The following CLSTN3 variants were observed in gnomAD, a reference collection of about 807,000 sequenced individuals.
CLSTN3 encodes the protein calsyntenin 3.
In CLSTN3, 36 loss-of-function variants were observed where a neutral mutation model predicts 95.9. That is an observed-to-expected ratio of 0.38 (90% CI 0.29 to 0.50). The LOEUF is 0.50. Ranked by LOEUF, CLSTN3 falls within the 20% of genes least tolerant of loss-of-function variation. The pLI, the probability that CLSTN3 is intolerant of heterozygous loss-of-function variation, is 0.95. For missense variants in CLSTN3, 1,084 were observed against 1,268.8 expected, an observed-to-expected ratio of 0.85 and a Z score of 2.21; for synonymous variants, 481 against 504.0, an observed-to-expected ratio of 0.95 and a Z score of 0.61.
At position 7,136,874 on chromosome 12, in the gene CLSTN3, A is replaced by G. The variant is rs768320674; in HGVS notation, c.974A>G (p.Asn325Ser). Reference protein sequence around the residue: ...EVDLLPMPGPNANWTAGLSVH... With the variant: ...EVDLLPMPGPSANWTAGLSVH... ...GATCTGTTGCCCATGCCTGGCCCCAATGCCAACTGGACAGCAGGACTCTCG... is the reference window on the plus strand; with the variant it reads ...GATCTGTTGCCCATGCCTGGCCCCAGTGCCAACTGGACAGCAGGACTCTCG... Residue 325 changes from asparagine (N) to serine (S), a missense_variant, in exon 7 of 18, where the codon AAT becomes AGT. Coordinates refer to ENST00000266546, the MANE Select transcript of CLSTN3 (RefSeq NM_014718.4). 33 of 1,613,368 alleles carry G rather than the reference A, an allele frequency of 2.0e-5. No homozygotes were observed. The highest frequency in any genetic ancestry group is 1.6e-4 in the Middle Eastern group (1 of 6,084).
chr12:7,141,551 G>A lies in CLSTN3; in HGVS notation c.1486+147G>A. On this transcript the variant is annotated intron_variant, in intron 9 of 17. Transcript: ENST00000266546. The surrounding 1 kb of genome is among the most constrained non-coding windows in gnomAD (Gnocchi z 4.1). ...AGGGTGACTCTGAAGATCTCCATGG[G>A]AAGGGACCACAGCCTCCCTCCCGTA... The A allele has an allele frequency of 1.2e-6, 1 of 837,952 alleles. No individual in the cohort carries two copies. The allele number at this position is 837,952 out of a possible 1,614,324, so 51.9% of individuals were successfully genotyped here.
intron 5 of CLSTN3, 78 bp downstream of exon 5, chr12:7,136,031 T>C: frequency 1.9e-5 from 30 of 1,539,052 alleles, no homozygotes; most frequent in Non-Finnish European, 2.6e-5. Flanking sequence ...CTGACAATCA[T>C]GGGGGCCAGG....
chr12:7,143,162 G>C lies in CLSTN3; in HGVS notation c.1699-1G>C. 2 of 1,612,694 alleles carry C rather than the reference G, an allele frequency of 1.2e-6. No homozygotes were observed. Among genetic ancestry groups the C allele is most frequent in the Non-Finnish European group, 1.7e-6 (2 of 1,179,148 alleles). On this transcript the variant is annotated splice_acceptor_variant, in intron 11 of 17. Transcript: ENST00000266546. LOFTEE classifies it high-confidence loss of function. ...CAGCTGTATCTGTGTCTGGGGCCCA[G>C]GTCCACGTGAACCCCTCACAGTCCC...
chr12:7,130,692 C>T lies in CLSTN3; in HGVS notation c.44C>T (p.Ala15Val). ...CCCCTTCTGCTGGCCTCTCTGCTCG[C>T]GTCCTGCTCCTGTAACAAAGGTGAG... Reference protein sequence around the residue: ...LLPLLLASLLASCSCNKANKH... With the variant: ...LLPLLLASLLVSCSCNKANKH... The change falls in exon 1 of 18, where the codon GCG (alanine) becomes GTG (valine). Residue 15 changes from alanine (A) to valine (V), a missense_variant. Ala to Val is a moderately conservative substitution (Grantham distance 64). Coordinates refer to ENST00000266546, the MANE Select transcript of CLSTN3 (RefSeq NM_014718.4). 1 of 1,570,574 alleles carries T rather than the reference C, an allele frequency of 6.4e-7. No homozygotes were observed.
upstream of CLSTN3, chr12:7,130,303 T>TGCCCCCCCC: frequency 3.9e-6 from 3 of 778,320 alleles, no homozygotes; most frequent in Non-Finnish European, 4.9e-6. Context: ...CAGCACCTGG[T>TGCCCCCCCC]CCCCCCCCCT....
chr12:7,157,282 G>C lies in CLSTN3; in HGVS notation c.2528-207G>C, dbSNP rs2135821482. Among the ~76,000 whole-genome samples the C allele has an allele frequency of 6.6e-6, 1 of 152,260 alleles. No individual in the cohort carries two copies. Among genetic ancestry groups the C allele is most frequent in the South Asian group, 2.1e-4 (1 of 4,830 alleles). On this transcript the variant is annotated intron_variant, in intron 16 of 17. Coordinates refer to ENST00000266546, the MANE Select transcript of CLSTN3 (RefSeq NM_014718.4). The surrounding 1 kb of genome is among the most constrained non-coding windows in gnomAD (Gnocchi z 5.9). ...GTGTTTGTTCCTTTGCCTTGCAGCA[G>C]CTCCCTTCCTCCCCTTTCGTCTCCT...
chr12:7,158,027 T>C lies in CLSTN3; in HGVS notation c.2817T>C (p.Asp939=), dbSNP rs146046597. The change falls in exon 18 of 18, where the codon GAT becomes GAC. Residue 939 remains aspartate (D), a synonymous_variant. Coordinates refer to ENST00000266546, the MANE Select transcript of CLSTN3 (RefSeq NM_014718.4). ...ACAGCAGTGACTCGGAGGTGGCCGATTCCCCCAGCAGCGACGAGAGACGCA... is the reference window on the plus strand; with the variant it reads ...ACAGCAGTGACTCGGAGGTGGCCGACTCCCCCAGCAGCGACGAGAGACGCA... ...DEDSSDSEVA[D]SPSSDERRII... 394 of 1,550,492 alleles carry C rather than the reference T, an allele frequency of 2.5e-4. 2 individuals are homozygous for C. The East Asian group carries it at 8.0e-3, about 31-fold the overall frequency.
Position 7,143,259 on chromosome 12 carries a change from C to CT in CLSTN3, c.1796dup (p.Arg600AlafsTer29). Reference sequence around the variant, plus strand: ...GCAGCATGTGGCTTACATGAACACTCTGCGCTTTGCCACGCCCGGCGTCAG... The same window carrying CT: ...GCAGCATGTGGCTTACATGAACACTCTTGCGCTTTGCCACGCCCGGCGTCAG... On this transcript the variant is annotated frameshift_variant, in exon 12 of 18. Coordinates refer to ENST00000266546, the MANE Select transcript of CLSTN3 (RefSeq NM_014718.4). LOFTEE classifies it high-confidence loss of function. 1 of 1,613,346 alleles carries CT rather than the reference C, an allele frequency of 6.2e-7. No individual in the cohort carries two copies. Among genetic ancestry groups the CT allele is most frequent in the Non-Finnish European group, 8.5e-7 (1 of 1,180,044 alleles).
chr12:7,158,093 C>G lies in CLSTN3; in HGVS notation c.*12C>G. On this transcript the variant is annotated 3_prime_UTR_variant, in exon 18 of 18. Coordinates refer to ENST00000266546, the MANE Select transcript of CLSTN3 (RefSeq NM_014718.4). ...CACACCGCTACTAAGGCCTACACCT[C>G]TCCCCACGCAGAGGGGGAATTCTGC... 6.7e-7 allele frequency: 1 copy of G among 1,490,992 alleles called. No individual in the cohort carries two copies. Among genetic ancestry groups the G allele is most frequent in the African/African-American group, 1.4e-5 (1 of 71,678 alleles). 92.4% of individuals were successfully genotyped at this position (1,490,992 alleles called of 1,614,324 possible).
Position 7,137,880 on chromosome 12 carries a change from T to C in CLSTN3, c.1211-75T>C, listed in dbSNP as rs148470892. On this transcript the variant is annotated intron_variant, in intron 7 of 17. Coordinates refer to ENST00000266546, the MANE Select transcript of CLSTN3 (RefSeq NM_014718.4). The surrounding 1 kb of genome is among the most constrained non-coding windows in gnomAD (Gnocchi z 4.4). ...AGAGGATTAAGAGAATCCAACATCC[T>C]CTCCTTCCTGCTGCTTTGAACTTGT... 2.2e-4 allele frequency: 234 copies of C among 1,041,722 alleles called. No individual in the cohort carries two copies. In the East Asian group the frequency reaches 5.9e-3, roughly 26 times the overall value. 64.5% of individuals were successfully genotyped at this position (1,041,722 alleles called of 1,614,324 possible). A position where few individuals can be genotyped will look rare whatever the true frequency, so the allele number is the denominator to read the frequency against.
chr12:7,147,395 C>CAA lies in CLSTN3; in HGVS notation c.1848-1577_1848-1576insAA, dbSNP rs1565652698. ...GCCTGGGCAACAGAGAGAGACTCTG[C>CAA]CAAAAAAAAAAAAAAAAAAAAAAAA... On this transcript the variant is annotated intron_variant, in intron 12 of 17. Coordinates refer to ENST00000266546, the MANE Select transcript of CLSTN3 (RefSeq NM_014718.4). Among the ~76,000 whole-genome samples, 3 of 19,762 alleles carry CAA rather than the reference C, an allele frequency of 1.5e-4. 1 individual carries two copies. In the East Asian group the frequency reaches 3.5e-3, roughly 23 times the overall value. The allele number at this position is 19,762 out of a possible 152,430, so 13.0% of individuals were successfully genotyped here. A position where few individuals can be genotyped will look rare whatever the true frequency, so the allele number is the denominator to read the frequency against.
chr12:7,136,497 T>TGGATGGGA (rs1939424552), intron 6 of CLSTN3, 106 bp downstream of exon 6: 4 of 1,126,570 alleles, frequency 3.6e-6, no homozygotes, highest in Admixed American at 5.5e-5. Context: ...TCCACAGGTG[T>TGGATGGGA]TTATCCATAG....
intron 1 of CLSTN3, 145 bp from the exon 2 acceptor site, chr12:7,132,879 C>A (rs764173037): frequency 3.7e-6 from 4 of 1,085,606 alleles, no homozygotes; most frequent in South Asian, 2.7e-5. Flanking sequence ...TTGTCCTCAA[C>A]CACCCGCCTC....
chr12:7,146,339 G>T (rs1939620888), intron 12 of CLSTN3, among the ~76,000 whole-genome samples: 1 of 152,096 alleles, frequency 6.6e-6, no homozygotes. Flanking sequence ...GTTCGAGGCT[G>T]CAGTGAGTCA....
In CLSTN3 at chr12:7,149,455, C is replaced by A; in HGVS notation, c.2075-68C>A. 2.8e-6 allele frequency: 4 copies of A among 1,445,726 alleles called. No individual in the cohort carries two copies. The highest frequency in any genetic ancestry group is 3.8e-6 in the Non-Finnish European group (4 of 1,047,730). The allele number at this position is 1,445,726 out of a possible 1,614,324, so 89.6% of individuals were successfully genotyped here. ...AAGGGAGGGAGAGTGGTGATGAGGG[C>A]ATGGTTGGGTCTCAGAACCTCCGTG... is the stretch of plus-strand genomic sequence containing the variant. On this transcript the variant is annotated intron_variant, in intron 13 of 17. Transcript: ENST00000266546. This position sits in a 1 kb window ranked among gnomAD's most constrained non-coding sequence, Gnocchi z 4.5.
At position 7,141,152 on chromosome 12, in the gene CLSTN3, C is replaced by T; in HGVS notation, c.1324-90C>T. The T allele has an allele frequency of 7.3e-7, 1 of 1,365,822 alleles. No individual in the cohort carries two copies. The highest frequency in any genetic ancestry group is 2.2e-5 in the Admixed American group (1 of 45,724). 84.6% of individuals were successfully genotyped at this position (1,365,822 alleles called of 1,614,324 possible). A position where few individuals can be genotyped will look rare whatever the true frequency, so the allele number is the denominator to read the frequency against. On this transcript the variant is annotated intron_variant, in intron 8 of 17. Transcript: ENST00000266546. The surrounding 1 kb of genome is among the most constrained non-coding windows in gnomAD (Gnocchi z 4.1). ...AGAACTGGGAATAAAGGGACTGTCC[C>T]CTGTCTCCCAGGAGATGGGGCAGTG...
rs1399041115 is a variant in CLSTN3, at chr12:7,138,135, C to G, written c.1323+68C>G. 6 of 1,224,840 alleles carry G rather than the reference C, an allele frequency of 4.9e-6. No homozygotes were observed. In the East Asian group the frequency reaches 1.2e-4, roughly 24 times the overall value. The allele number at this position is 1,224,840 out of a possible 1,614,324, so 75.9% of individuals were successfully genotyped here. On this transcript the variant is annotated intron_variant, in intron 8 of 17. Coordinates refer to ENST00000266546, the MANE Select transcript of CLSTN3 (RefSeq NM_014718.4). ...ACTCACTTTTAGGAAAGGACCTTCT[C>G]TGGGCAGGGTCAGCATTTTCTGGGT...
In CLSTN3 at chr12:7,133,535, C is replaced by T; in HGVS notation, c.188-38C>T. 1 of 1,601,770 alleles carries T rather than the reference C, an allele frequency of 6.2e-7. No homozygotes were observed. The highest frequency in any genetic ancestry group is 8.5e-7 in the Non-Finnish European group (1 of 1,170,506). ...GGGAGACTGAGGGTGGGGAAGGAGA[C>T]ACAGCAGCCTCACTCCTCCCCTTCT... On this transcript the variant is annotated intron_variant, in intron 2 of 17. Transcript: ENST00000266546. This position sits in a 1 kb window ranked among gnomAD's most constrained non-coding sequence, Gnocchi z 4.7.
rs1431384698 is a variant in CLSTN3, at chr12:7,150,556, T to C, written c.2258T>C (p.Ile753Thr). ...TCCTCATCTCCAGGGGTGGAGAGCA[T>C]CACTGTGTATGAAGAGATCCTGAGG... The part of the protein sequence containing the change: ...AYLTIAGVES[I>T]TVYEEILRQA... The change falls in exon 15 of 18, where the codon ATC becomes ACC. Residue 753 changes from isoleucine (I) to threonine (T), a missense_variant. By Grantham distance (89) the Ile-to-Thr change is moderately conservative. Coordinates refer to ENST00000266546, the MANE Select transcript of CLSTN3 (RefSeq NM_014718.4). This position sits in a 1 kb window ranked among gnomAD's most constrained non-coding sequence, Gnocchi z 4.0. 1.2e-6 allele frequency: 2 copies of C among 1,611,912 alleles called. No homozygotes were observed. Among genetic ancestry groups the C allele is most frequent in the South Asian group, 1.1e-5 (1 of 91,026 alleles).
Sources: gnomAD v4.1 joint callset for allele counts (sites outside exome capture counted in the v4.1 genomes callset) on GRCh38, gnomAD v4.1.1 for gene constraint, Gnocchi (gnomAD v3.1) non-coding constraint, MANE v1.5 for transcripts, NCBI Gene and HGNC (gene_info 2026-07-23, HGNC 2026-07-21) for gene names.